The following ADGRL3 variants were observed in gnomAD, a reference collection of about 807,000 sequenced individuals.
The protein encoded by ADGRL3 is adhesion G protein-coupled receptor L3.
A neutral mutation model predicts 153.5 loss-of-function variants in ADGRL3; 62 were observed. The observed-to-expected ratio is 0.40, with a 90% CI of 0.33 to 0.50. ADGRL3 has a LOEUF of 0.50. ADGRL3 is among the 20% of genes least tolerant of loss of function. The pLI, the probability that ADGRL3 is intolerant of heterozygous loss-of-function variation, is 0.47. For missense variants in ADGRL3, 1,641 were observed against 1,859.4 expected (o/e 0.88, Z 2.16); for synonymous variants, 710 against 672.5 (o/e 1.06, Z -0.86).
intron 1 of ADGRL3, among the ~76,000 whole-genome samples, chr4:61,296,017 T>C (rs2094400322): frequency 6.6e-6 from 1 of 152,094 alleles, no homozygotes; most frequent in Non-Finnish European, 1.5e-5. Context: ...CTGAACCTTT[T>C]AGTATATGTT....
chr4:61,618,479 G>A (rs1205826588), intron 5 of ADGRL3, among the ~76,000 whole-genome samples: 1 of 152,076 alleles, frequency 6.6e-6, no homozygotes, highest in Non-Finnish European at 1.5e-5. Context: ...GATCTGATCT[G>A]GGCCTACTAG....
intron 5 of ADGRL3, among the ~76,000 whole-genome samples, chr4:61,645,927 C>G (rs1287616474): frequency 6.6e-6 from 1 of 152,212 alleles, no homozygotes; most frequent in African/African-American, 2.4e-5. Context: ...GTACACCAAT[C>G]AGACATGGAT....
At chr4:61,703,818 C>T (rs1037592266) in intron 6 of ADGRL3, among the ~76,000 whole-genome samples, 4 of 151,598 alleles carry the variant, frequency 2.6e-5, no homozygotes, top group Non-Finnish European at 5.9e-5. Flanking sequence ...TATGTTCCTT[C>T]TGTTGTTTGC....
At chr4:61,814,704 A>G (rs1470300699) in intron 9 of ADGRL3, among the ~76,000 whole-genome samples, 1 of 152,034 alleles carries the variant, frequency 6.6e-6, no homozygotes, top group Non-Finnish European at 1.5e-5. Flanking sequence ...TGTATAGCCT[A>G]TTTCCTCTCC....
intron 8 of ADGRL3, among the ~76,000 whole-genome samples, chr4:61,780,290 T>A (rs1340113001): frequency 6.6e-6 from 1 of 152,190 alleles, no homozygotes; most frequent in African/African-American, 2.4e-5. Flanking sequence ...CCAGACAGAA[T>A]GCCATTTATC....
chr4:61,377,736 T>C (rs559464439), intron 1 of ADGRL3, among the ~76,000 whole-genome samples: 1 of 152,076 alleles, frequency 6.6e-6, no homozygotes, highest in Non-Finnish European at 1.5e-5. Context: ...TTGCTCACTT[T>C]GCATTTAGCT....
At chr4:61,924,400 C>T (rs192314880) in intron 13 of ADGRL3, among the ~76,000 whole-genome samples, 440 of 152,222 alleles carry the variant, frequency 2.9e-3, no homozygotes, top group Non-Finnish European at 4.6e-3. Flanking sequence ...ATTTAAATAC[C>T]ACCTATATGT....
chr4:61,230,931 C>G (rs186488747), intron 1 of ADGRL3, among the ~76,000 whole-genome samples: 60 of 152,304 alleles, frequency 3.9e-4, no homozygotes, highest in Admixed American at 2.0e-3. Flanking sequence ...GTGGCTTGGC[C>G]ACAGTTTGTC....
chr4:61,893,853 GC>G (rs1561428795), intron 10 of ADGRL3, among the ~76,000 whole-genome samples: 1 of 151,302 alleles, frequency 6.6e-6, no homozygotes, highest in African/African-American at 2.4e-5. Context: ...GATTACAGGC[GC>G]CCACCACCAT....
intron 25 of ADGRL3, among the ~76,000 whole-genome samples, chr4:62,064,162 G>A (rs1028796878): frequency 3.9e-5 from 6 of 152,024 alleles, no homozygotes; most frequent in Non-Finnish European, 8.8e-5. Flanking sequence ...ACAGTGTACT[G>A]GGCAGTAGCA....
intron 9 of ADGRL3, among the ~76,000 whole-genome samples, chr4:61,869,749 A>G (rs547698493): frequency 6.6e-6 from 1 of 151,146 alleles, no homozygotes; most frequent in Non-Finnish European, 1.5e-5. Flanking sequence ...GACCAGCCTG[A>G]CCAACATGGA....
Position 61,983,565 on chromosome 4 carries a change from A to G in ADGRL3, c.3198A>G (p.Ser1066=). The part of the protein sequence containing the change: ...YGMPALIVAV[S]AAVDYRSYGT... ...TGCCTGCACTCATTGTGGCTGTGTCAGCTGCAGTAGACTACAGGAGTTATG... is the reference window on the plus strand; with the variant it reads ...TGCCTGCACTCATTGTGGCTGTGTCGGCTGCAGTAGACTACAGGAGTTATG... Residue 1066 remains serine, a synonymous_variant, in exon 19 of 27, where the codon TCA becomes TCG. Transcript: ENST00000683033. 6.2e-7 allele frequency: 1 copy of G among 1,613,952 alleles called. No homozygotes were observed.
intron 2 of ADGRL3, among the ~76,000 whole-genome samples, chr4:61,446,888 A>C (rs2097589269): frequency 6.6e-6 from 1 of 152,194 alleles, no homozygotes; most frequent in Admixed American, 6.5e-5. Flanking sequence ...GTAGGTGCCA[A>C]ATTTCATGTA....
intron 17 of ADGRL3, among the ~76,000 whole-genome samples, chr4:61,961,621 A>G (rs2098988098): frequency 6.6e-6 from 1 of 152,142 alleles, no homozygotes; most frequent in Non-Finnish European, 1.5e-5. Flanking sequence ...AGTAAAAGTT[A>G]TATGTATTTT....
At chr4:61,278,228 C>T (rs2093566597) in intron 1 of ADGRL3, among the ~76,000 whole-genome samples, 1 of 152,054 alleles carries the variant, frequency 6.6e-6, no homozygotes, top group Admixed American at 6.6e-5. Context: ...AAGATTGTCC[C>T]TTTCATCTGC....
At chr4:62,030,780 C>G (rs1173537819) in intron 22 of ADGRL3, among the ~76,000 whole-genome samples, 1 of 151,486 alleles carries the variant, frequency 6.6e-6, no homozygotes, top group African/African-American at 2.4e-5. Context: ...TCTACTACAG[C>G]ATACCATAGA....
chr4:61,893,328 G>A (rs1382065216), intron 10 of ADGRL3, among the ~76,000 whole-genome samples: 4 of 152,012 alleles, frequency 2.6e-5, no homozygotes, highest in African/African-American at 9.7e-5. Flanking sequence ...TCAGGTCTCT[G>A]GGTCAAGGTA....
At chr4:61,473,690 T>C (rs2098001466) in intron 2 of ADGRL3, among the ~76,000 whole-genome samples, 1 of 152,126 alleles carries the variant, frequency 6.6e-6, no homozygotes, top group Non-Finnish European at 1.5e-5. Flanking sequence ...ACTCCTATTA[T>C]CTGTTTTATC....
rs528440335 is a variant in ADGRL3 at position 61,685,074 on chromosome 4, C to T, written c.583+8139C>T. ...GGGACTACAGGCGTGCACCATCACA[C>T]CTGGCTAATTTTTTTAATTTTTAGT... On this transcript the variant is annotated intron_variant, in intron 6 of 26. Transcript: ENST00000683033. 5.9e-5 allele frequency among the ~76,000 whole-genome samples: 9 copies of T among 152,020 alleles called. No homozygotes were observed. In the South Asian group the frequency reaches 8.3e-4, roughly 14 times the overall value.
Sources: gnomAD v4.1 joint callset for allele counts (sites outside exome capture counted in the v4.1 genomes callset) on GRCh38, gnomAD v4.1.1 for gene constraint, MANE v1.5 for transcripts, NCBI Gene and HGNC (gene_info 2026-07-23, HGNC 2026-07-21) for gene names.